Variants in DNAJC2 observed in about 807,000 individuals in gnomAD.
DNAJC2 encodes DnaJ heat shock protein family (Hsp40) member C2, also known as dnaJ homolog subfamily C member 2.
A neutral mutation model predicts 94.0 loss-of-function variants in DNAJC2; 32 were observed. The ratio of observed to expected loss-of-function variants is 0.34; its 90% confidence interval spans 0.26 to 0.46. The LOEUF is 0.46. Among genes scored for constraint, DNAJC2 ranks in the 20% least tolerant of loss-of-function variants. DNAJC2 has a pLI of 1.00. For missense variants in DNAJC2, 550 were observed against 719.5 expected, an observed-to-expected ratio of 0.76 and a Z score of 2.69; for synonymous variants, 210 against 229.7, an observed-to-expected ratio of 0.91 and a Z score of 0.77.
chr7:103,313,288 C>T, intron 15 of DNAJC2, 187 bp from the exon 16 acceptor site: 1 of 1,330,576 alleles, frequency 7.5e-7, no homozygotes, highest in Non-Finnish European at 9.6e-7. Flanking sequence ...TCAGATAGCT[C>T]ACATCCCAGA....
chr7:103,320,234 G>A (rs1586075164), intron 10 of DNAJC2, among the ~76,000 whole-genome samples: 1 of 151,784 alleles, frequency 6.6e-6, no homozygotes. Flanking sequence ...AATTACAGGC[G>A]CCTGCCACCA....
intron 3 of DNAJC2, chr7:103,336,004 T>G (rs908517040): frequency 1.3e-5 from 2 of 152,122 alleles, no homozygotes; most frequent in African/African-American, 4.8e-5. Context: ...CCCGTCTCTA[T>G]GAAAAATACA....
intron 2 of DNAJC2, among the ~76,000 whole-genome samples, chr7:103,341,111 C>T (rs1265048896): frequency 6.6e-6 from 1 of 152,194 alleles, no homozygotes; most frequent in East Asian, 1.9e-4. Context: ...TTCCTCAAAA[C>T]CCAGCCACAT....
rs545993454 is a variant in DNAJC2 at position 103,326,467 on chromosome 7, G to C, written c.572+76C>G. The C allele has an allele frequency of 2.3e-4, 332 of 1,413,528 alleles. 1 individual carries two copies. Among genetic ancestry groups the C allele is most frequent in the Non-Finnish European group, 3.0e-4 (307 of 1,012,398 alleles). 87.6% of individuals were successfully genotyped at this position (1,413,528 alleles called of 1,614,324 possible). ...CTATAAATGAAACTATTATCAGAGG[G>C]AAAGAGCAGAAACCTGGAAGACTAC... is the stretch of plus-strand genomic sequence containing the variant. On this transcript the variant is annotated intron_variant, in intron 5 of 16. Coordinates refer to ENST00000379263, the MANE Select transcript of DNAJC2 (RefSeq NM_014377.3).
chr7:103,312,473 A>ATACTT lies in DNAJC2; in HGVS notation c.*91_*95dup. On this transcript the variant is annotated 3_prime_UTR_variant, in exon 17 of 17. Transcript: ENST00000379263. Reference sequence around the variant, plus strand: ...TCTGAGAAATTATGTTGGAAGCAGCATACTTTCAAATTATTACCATGAGTA... The same window carrying ATACTT: ...TCTGAGAAATTATGTTGGAAGCAGCATACTTTACTTTCAAATTATTACCATGAGTA... 6.4e-7 allele frequency: 1 copy of ATACTT among 1,551,468 alleles called. No individual in the cohort carries two copies. Among genetic ancestry groups the ATACTT allele is most frequent in the Non-Finnish European group, 8.7e-7 (1 of 1,155,602 alleles).
At chr7:103,343,728 C>T (rs1409136936) in intron 1 of DNAJC2, among the ~76,000 whole-genome samples, 2 of 152,184 alleles carry the variant, frequency 1.3e-5, no homozygotes, top group African/African-American at 4.8e-5. Context: ...ATTTCCTCCA[C>T]CTTACACAGG....
At position 103,319,688 on chromosome 7, in the gene DNAJC2, A is replaced by T. The variant is rs767681306; in HGVS notation, c.1173-10T>A. The T allele has an allele frequency of 6.2e-7, 1 of 1,613,924 alleles. No individual in the cohort carries two copies. Among genetic ancestry groups the T allele is most frequent in the African/African-American group, 1.3e-5 (1 of 74,876 alleles). ...ATTCAAGCACTGTAAGCTAAAGAAA[A>T]AAAAAGAAGAAATGAAACTTTATCC... On this transcript the variant is annotated splice_polypyrimidine_tract_variant and intron_variant, in intron 11 of 16. Coordinates refer to ENST00000379263, the MANE Select transcript of DNAJC2 (RefSeq NM_014377.3).
intron 16 of DNAJC2, 46 bp downstream of exon 16, chr7:103,312,901 G>C (rs764271264): frequency 6.3e-7 from 1 of 1,580,294 alleles, no homozygotes; most frequent in Admixed American, 1.9e-5. Context: ...TATCACCCAA[G>C]CTACAATTTA....
chr7:103,331,704 T>G (rs1293268143), intron 3 of DNAJC2, among the ~76,000 whole-genome samples: 1 of 152,238 alleles, frequency 6.6e-6, no homozygotes, highest in African/African-American at 2.4e-5. Context: ...TTTTTATGGC[T>G]GAGTGGTATC....
chr7:103,338,110 A>T (rs976457680), intron 2 of DNAJC2, among the ~76,000 whole-genome samples: 6 of 151,968 alleles, frequency 3.9e-5, no homozygotes, highest in Non-Finnish European at 7.4e-5. Context: ...CTACAAAAAA[A>T]TTTTTAAAAA....
intron 8 of DNAJC2, 33 bp downstream of exon 8, chr7:103,322,670 A>G: frequency 6.2e-7 from 1 of 1,612,872 alleles, no homozygotes; most frequent in East Asian, 2.2e-5. Context: ...TTGAATTTCT[A>G]ACATTTAGGG....
rs1046379688 is a variant in DNAJC2 at position 103,314,567 on chromosome 7, T to G, written c.1636+1197A>C. On this transcript the variant is annotated intron_variant, in intron 15 of 16. Transcript: ENST00000379263. The stretch of plus-strand genomic sequence containing the variant: ...GACTAGTGTGCTAATACCTGTTGTA[T>G]TTTGTGGAGATAAAGGTGCAGGAGA... The G allele has an allele frequency of 4.1e-6, 4 of 985,254 alleles. No homozygotes were observed. In the East Asian group the frequency reaches 3.4e-4, roughly 84 times the overall value. The allele number at this position is 985,254 out of a possible 1,614,324, so 61.0% of individuals were successfully genotyped here.
At chr7:103,340,974 T>G (rs1451469232) in intron 2 of DNAJC2, among the ~76,000 whole-genome samples, 2 of 152,160 alleles carry the variant, frequency 1.3e-5, no homozygotes, top group African/African-American at 4.8e-5. Flanking sequence ...GACCACACAC[T>G]CTAGCAGGTC....
At chr7:103,321,867 G>T in intron 10 of DNAJC2, 65 bp downstream of exon 10, 2 of 1,524,006 alleles carry the variant, frequency 1.3e-6, no homozygotes, top group South Asian at 1.2e-5. Context: ...CAAACAAAAA[G>T]AAGTATTTTT....
chr7:103,342,611 T>A (rs1277560784), intron 1 of DNAJC2, among the ~76,000 whole-genome samples: 1 of 135,492 alleles, frequency 7.4e-6, no homozygotes, highest in Non-Finnish European at 1.6e-5. Context: ...ACCTGGACAA[T>A]TTTTTTTTTT....
chr7:103,341,680 A>G, intron 2 of DNAJC2, 84 bp downstream of exon 2: 1 of 1,145,478 alleles, frequency 8.7e-7, no homozygotes. Flanking sequence ...ATCTTAAAAC[A>G]TGTTTATTAA....
At chr7:103,320,832 T>G (rs1233012761) in intron 10 of DNAJC2, 7 of 108,012 alleles carry the variant, frequency 6.5e-5, no homozygotes, top group Admixed American at 5.7e-4. Flanking sequence ...CAGCATGTCT[T>G]TTTTTTTTTT....
chr7:103,338,802 C>T (rs1819272724), intron 2 of DNAJC2, among the ~76,000 whole-genome samples: 1 of 151,784 alleles, frequency 6.6e-6, no homozygotes, highest in African/African-American at 2.4e-5. Context: ...CCCAGCTACT[C>T]GGGAGGCTGA....
chr7:103,330,431 G>A (rs1043646637), intron 3 of DNAJC2, among the ~76,000 whole-genome samples: 1 of 151,850 alleles, frequency 6.6e-6, no homozygotes, highest in African/African-American at 2.4e-5. Context: ...GGGATTACAG[G>A]TGCTCTCCAC....
Sources: allele counts gnomAD v4.1 joint callset (sites outside exome capture counted in the v4.1 genomes callset), GRCh38; gene constraint gnomAD v4.1.1; transcripts MANE v1.5; gene names NCBI Gene and HGNC (gene_info 2026-07-23, HGNC 2026-07-21).